The following LPAR1 variants were observed in gnomAD, a reference collection of about 807,000 sequenced individuals.
LPAR1 encodes the protein LPA receptor 1.
LPAR1 carries 5 observed loss-of-function variants against 23.8 expected under a neutral mutation model. That is an observed-to-expected ratio of 0.21 (90% confidence interval 0.11 to 0.44). The LOEUF is 0.44. LPAR1 is among the 20% of genes least tolerant of loss of function. LPAR1 has a pLI of 0.99. For synonymous variants in LPAR1, 160 were observed against 164.7 expected (o/e 0.97, Z 0.22); for missense variants, 311 against 482.8 (o/e 0.64, Z 3.33).
At chr9:111,015,774 CT>C (rs995702290) in intron 2 of LPAR1, among the ~76,000 whole-genome samples, 8 of 151,888 alleles carry the variant, frequency 5.3e-5, no homozygotes, top group African/African-American at 1.9e-4. Flanking sequence ...TCATAAATAA[CT>C]TTTTTTAAAA....
rs549747947 is a variant in LPAR1, at chr9:110,882,448, C to T, written c.794-6726G>A. Among the ~76,000 whole-genome samples, 14 of 152,280 alleles carry T rather than the reference C, an allele frequency of 9.2e-5. No individual in the cohort carries two copies. In the South Asian group the frequency reaches 2.7e-3, roughly 29 times the overall value. On this transcript the variant is annotated intron_variant, in intron 5 of 5. Transcript: ENST00000683809. ...ACGGGTGGAAAATAAACATTAACAT[C>T]TACCGTGTGTAAGGTCTTTAAATGG...
chr9:111,015,414 C>T (rs975320570), intron 2 of LPAR1, among the ~76,000 whole-genome samples: 2 of 152,162 alleles, frequency 1.3e-5, no homozygotes, highest in African/African-American at 4.8e-5. Flanking sequence ...TCCAAACCCA[C>T]TGTTACTGCC....
chr9:110,959,947 A>C (rs1187738982), intron 4 of LPAR1, among the ~76,000 whole-genome samples: 3 of 152,158 alleles, frequency 2.0e-5, no homozygotes. Flanking sequence ...AGGATTAAAA[A>C]AAATTGATCT....
At chr9:110,933,699 A>C (rs2094529066) in intron 5 of LPAR1, among the ~76,000 whole-genome samples, 1 of 152,234 alleles carries the variant, frequency 6.6e-6, no homozygotes. Flanking sequence ...TTTAACGACA[A>C]GGAAAAGTAA....
intron 2 of LPAR1, among the ~76,000 whole-genome samples, chr9:111,019,234 A>G (rs1384299109): frequency 2.0e-5 from 3 of 152,178 alleles, no homozygotes; most frequent in African/African-American, 7.2e-5. Context: ...CACTTTGGGA[A>G]GATTGCTTGA....
chr9:111,016,599 A>G (rs1474790671), intron 2 of LPAR1, among the ~76,000 whole-genome samples: 1 of 152,348 alleles, frequency 6.6e-6, no homozygotes, highest in Non-Finnish European at 1.5e-5. Flanking sequence ...AGTCAAGTCA[A>G]TGCTTAAAGC....
At chr9:110,967,414 A>G (rs2160134) in intron 4 of LPAR1, among the ~76,000 whole-genome samples, 32,987 of 152,192 alleles carry the variant, frequency 0.22, 4,380 homozygotes, top group Admixed American at 0.3. Flanking sequence ...CTATTTGTTC[A>G]TATTAATTCG....
chr9:110,883,158 G>C (rs750318945), intron 5 of LPAR1, among the ~76,000 whole-genome samples: 7 of 152,068 alleles, frequency 4.6e-5, no homozygotes, highest in Non-Finnish European at 5.9e-5. Context: ...CCTTGCCTCA[G>C]TCTCCTGAAT....
chr9:111,029,248 A>G (rs1310904078), intron 2 of LPAR1, among the ~76,000 whole-genome samples: 3 of 152,166 alleles, frequency 2.0e-5, no homozygotes, highest in Non-Finnish European at 4.4e-5. Flanking sequence ...TCTCAGCTAA[A>G]CTTCAAACTC....
chr9:110,941,772 T>C lies in LPAR1; in HGVS notation c.442A>G (p.Ile148Val), dbSNP rs1588449030. 1.2e-6 allele frequency: 2 copies of C among 1,614,200 alleles called. No individual in the cohort carries two copies. The highest frequency in any genetic ancestry group is 1.7e-6 in the Non-Finnish European group (2 of 1,180,040). Residue 148 changes from isoleucine to valine, a missense_variant, in exon 5 of 6, where the codon ATT (isoleucine) becomes GTT (valine). Coordinates refer to ENST00000683809, the MANE Select transcript of LPAR1 (RefSeq NM_001351411.2). The surrounding 1 kb of genome is among the most constrained non-coding windows in gnomAD (Gnocchi z 6.1). Reference protein sequence around the residue: ...NLLAIAIERHITVFRMQLHTR... With the variant: ...NLLAIAIERHVTVFRMQLHTR... The stretch of plus-strand genomic sequence containing the variant: ...TGGAGCTGCATGCGGAAAACCGTAA[T>C]GTGCCTCTCGATTGCAATAGCCAGT...
intron 2 of LPAR1, among the ~76,000 whole-genome samples, chr9:111,015,708 G>A (rs760821977): frequency 3.1e-4 from 47 of 152,022 alleles, no homozygotes; most frequent in Non-Finnish European, 3.8e-4. Context: ...AATTTCAAAC[G>A]TCTCACCATA....
At chr9:111,026,030 T>C (rs2097685023) in intron 2 of LPAR1, among the ~76,000 whole-genome samples, 1 of 152,190 alleles carries the variant, frequency 6.6e-6, no homozygotes, top group Non-Finnish European at 1.5e-5. Flanking sequence ...TAGTTCCATA[T>C]GAAATTTGAA....
rs1431496439 is a variant in LPAR1 at position 110,926,441 on chromosome 9, G to T, written c.793+14980C>A. Among the ~76,000 whole-genome samples, 4 of 152,212 alleles carry T rather than the reference G, an allele frequency of 2.6e-5. No individual in the cohort carries two copies. The East Asian group carries it at 7.7e-4, about 29-fold the overall frequency. ...TCCTCATTCTTGGGGGAAACAAATGGTTTCTCCTCAGGATAATATAAAATC... is the reference window on the plus strand; with the variant it reads ...TCCTCATTCTTGGGGGAAACAAATGTTTTCTCCTCAGGATAATATAAAATC... On this transcript the variant is annotated intron_variant, in intron 5 of 5. Transcript: ENST00000683809.
chr9:110,883,412 C>T (rs539916437), intron 5 of LPAR1, among the ~76,000 whole-genome samples: 69 of 152,058 alleles, frequency 4.5e-4, no homozygotes, highest in Middle Eastern at 3.4e-3. Context: ...GGATGTACCA[C>T]TCAAACCACT....
chr9:110,976,330 A>C (rs2096552952), intron 2 of LPAR1, among the ~76,000 whole-genome samples: 1 of 111,782 alleles, frequency 8.9e-6, no homozygotes. Context: ...GTGTCTACTA[A>C]AAATACAAAA....
intron 2 of LPAR1, among the ~76,000 whole-genome samples, chr9:110,982,342 T>C (rs1486262891): frequency 2.0e-5 from 3 of 152,118 alleles, no homozygotes; most frequent in Admixed American, 6.6e-5. Flanking sequence ...TGGATGAAAC[T>C]GGAAACCATC....
At chr9:110,892,802 AAGGAAGGAAGGAAGGAAGGAAGGAAGGC>A (rs2084781386) in intron 5 of LPAR1, among the ~76,000 whole-genome samples, 9 of 98,848 alleles carry the variant, frequency 9.1e-5, no homozygotes, top group South Asian at 3.9e-4. Flanking sequence ...GGAAGGAAGG[AAGGAAGGAAGGAAGGAAGGAAGGAAGGC>A]AGGCAGGCAG....
chr9:110,976,893 CT>C (rs1202417633), intron 2 of LPAR1, among the ~76,000 whole-genome samples: 1 of 152,138 alleles, frequency 6.6e-6, no homozygotes, highest in African/African-American at 2.4e-5. Context: ...AATATCCCCC[CT>C]ATGATTCAAA....
intron 5 of LPAR1, among the ~76,000 whole-genome samples, chr9:110,884,891 CTT>C (rs1368913749): frequency 6.6e-6 from 1 of 152,140 alleles, no homozygotes; most frequent in African/African-American, 2.4e-5. Context: ...CTTGATGTCT[CTT>C]AATTTTTCAT....
Sources: gnomAD v4.1 joint callset for allele counts (sites outside exome capture counted in the v4.1 genomes callset) on GRCh38, gnomAD v4.1.1 for gene constraint, Gnocchi (gnomAD v3.1) non-coding constraint, MANE v1.5 for transcripts, NCBI Gene and HGNC (gene_info 2026-07-23, HGNC 2026-07-21) for gene names.